LIMCH1: variants seen among roughly 807,000 people sequenced by gnomAD.
The protein encoded by LIMCH1 is LIM and calponin homology domains-containing protein 1.
In LIMCH1, 113 loss-of-function variants were observed where a neutral mutation model predicts 176.5. The observed-to-expected ratio is 0.64, with a 90% CI of 0.55 to 0.75. LIMCH1 has a LOEUF of 0.75. Ranked by LOEUF, LIMCH1 falls within the 30% of genes least tolerant of loss-of-function variation. LIMCH1 has a pLI of 0.00. For synonymous variants in LIMCH1, 619 were observed against 645.9 expected, an observed-to-expected ratio of 0.96 and a Z score of 0.63; for missense variants, 1,674 against 1,814.9, an observed-to-expected ratio of 0.92 and a Z score of 1.41.
At chr4:41,676,334 C>A in intron 22 of LIMCH1, 48 bp from the exon 23 acceptor site, 2 of 1,513,738 alleles carry the variant, frequency 1.3e-6, no homozygotes, top group Non-Finnish European at 1.8e-6. Context: ...CGGCCTGTCC[C>A]TTGAGGACAT....
chr4:41,637,381 G>A (rs1010597922), intron 13 of LIMCH1, among the ~76,000 whole-genome samples: 6 of 152,136 alleles, frequency 3.9e-5, no homozygotes, highest in African/African-American at 1.4e-4. Flanking sequence ...GTAGAGACAA[G>A]GCTTTGCCAT....
chr4:41,481,646 T>G (rs1253794320), intron 1 of LIMCH1, among the ~76,000 whole-genome samples: 1 of 151,776 alleles, frequency 6.6e-6, no homozygotes, highest in African/African-American at 2.4e-5. Flanking sequence ...TGTCATAGCG[T>G]AGAGACAGAG....
intron 1 of LIMCH1, among the ~76,000 whole-genome samples, chr4:41,362,491 A>G (rs575383481): frequency 3.9e-5 from 6 of 152,306 alleles, no homozygotes; most frequent in South Asian, 4.1e-4. Context: ...CTTGAACTCT[A>G]AAATTCTCAG....
At chr4:41,401,908 CT>C (rs1292006738) in intron 1 of LIMCH1, among the ~76,000 whole-genome samples, 2 of 152,170 alleles carry the variant, frequency 1.3e-5, no homozygotes, top group Admixed American at 6.5e-5. Context: ...GCTGAAGTTG[CT>C]TATGAGCTTA....
At chr4:41,682,513 G>T (rs767037533) in intron 26 of LIMCH1, 53 bp downstream of exon 26, 1 of 1,581,382 alleles carries the variant, frequency 6.3e-7, no homozygotes, top group Admixed American at 1.8e-5. Context: ...GGCTCTGCTC[G>T]TGCACGCTCA....
chr4:41,691,424 A>G (rs1725554567), intron 30 of LIMCH1, among the ~76,000 whole-genome samples: 1 of 151,978 alleles, frequency 6.6e-6, no homozygotes. Context: ...GTTGCTCTGA[A>G]TATCACTGCT....
At chr4:41,620,274 G>A (rs2092461047) in intron 6 of LIMCH1, 150 bp from the exon 7 acceptor site, 1 of 765,690 alleles carries the variant, frequency 1.3e-6, no homozygotes, top group African/African-American at 1.8e-5. Context: ...TGGCTGCGTT[G>A]AATTTTCTTC....
chr4:41,567,486 T>A (rs368660559), intron 1 of LIMCH1, among the ~76,000 whole-genome samples: 1 of 152,174 alleles, frequency 6.6e-6, no homozygotes, highest in African/African-American at 2.4e-5. Flanking sequence ...GTAGCAGCAA[T>A]AGTAGTAATA....
At position 41,509,474 on chromosome 4, in the gene LIMCH1, A is replaced by G. The variant is rs532322063; in HGVS notation, c.167+14868A>G. On this transcript the variant is annotated intron_variant, in intron 2 of 26. Coordinates refer to the LIMCH1 transcript ENST00000313860. The stretch of plus-strand genomic sequence containing the variant: ...CTGGGAAGAATTTGATAGACTTTCT[A>G]TGTAGGGTTCTCCCTTGTCCTTCTG... 4.6e-5 allele frequency among the ~76,000 whole-genome samples: 7 copies of G among 152,278 alleles called. No individual in the cohort carries two copies. In the South Asian group the frequency reaches 1.5e-3, roughly 32 times the overall value.
In LIMCH1 at chr4:41,586,586, G is replaced by C. The variant is rs530162548; in HGVS notation, c.-240-12334G>C. Among the ~76,000 whole-genome samples, 3 of 152,198 alleles carry C rather than the reference G, an allele frequency of 2.0e-5. No homozygotes were observed. The South Asian group carries it at 6.2e-4, about 32-fold the overall frequency. ...GCAGTTTTATTCTAAAATAAGTGAA[G>C]GTATTTTTCATTCAATTCCCAAAAT... On this transcript the variant is annotated intron_variant, in intron 1 of 31. Transcript: ENST00000503057.
chr4:41,502,999 G>GTCCATCCATCCATCCATCCATCCA (rs751124176), intron 2 of LIMCH1, among the ~76,000 whole-genome samples: 4 of 138,312 alleles, frequency 2.9e-5, no homozygotes, highest in Admixed American at 1.4e-4. Flanking sequence ...TGGTCTGTCT[G>GTCCATCCATCCATCCATCCATCCA]TCCATCCATC....
At chr4:41,576,136 T>G (rs2084425272) in intron 1 of LIMCH1, among the ~76,000 whole-genome samples, 1 of 152,226 alleles carries the variant, frequency 6.6e-6, no homozygotes, top group South Asian at 2.1e-4. Context: ...TGTTGATTTG[T>G]GCATATTTCT....
At chr4:41,611,674 A>G (rs945214464) in intron 4 of LIMCH1, among the ~76,000 whole-genome samples, 2 of 152,246 alleles carry the variant, frequency 1.3e-5, no homozygotes, top group African/African-American at 4.8e-5. Context: ...AATGCTAACC[A>G]TGTTTTAGGA....
chr4:41,443,192 CTTTTTTTTTTTTTTTTTTT>C (rs916559501), intron 1 of LIMCH1, among the ~76,000 whole-genome samples: 1 of 39,678 alleles, frequency 2.5e-5, no homozygotes, highest in East Asian at 6.7e-4. Flanking sequence ...TGTTTTTTTT[CTTTTTTTTTTTTTTTTTTT>C]TTTTTTTTTT....
rs141208106 is a variant in LIMCH1, at chr4:41,460,111, G to A, written c.97-34425G>A. ...TGGGCAGTAGGATATGGATCTTAGA[G>A]TCAACAGACAGAGGATCGGCACAGA... On this transcript the variant is annotated intron_variant, in intron 1 of 26. Transcript: ENST00000313860. Among the ~76,000 whole-genome samples the A allele has an allele frequency of 6.3e-3, 956 of 152,170 alleles. 6 individuals carry two copies. Among genetic ancestry groups the A allele is most frequent in the South Asian group, 0.016 (79 of 4,808 alleles).
intron 1 of LIMCH1, among the ~76,000 whole-genome samples, chr4:41,589,824 C>T (rs2087165865): frequency 6.6e-6 from 1 of 152,140 alleles, no homozygotes; most frequent in African/African-American, 2.4e-5. Context: ...GGCCTTGCTT[C>T]TCAACTCCAA....
At chr4:41,449,210 C>T (rs2063585672) in intron 1 of LIMCH1, among the ~76,000 whole-genome samples, 1 of 152,136 alleles carries the variant, frequency 6.6e-6, no homozygotes, top group African/African-American at 2.4e-5. Flanking sequence ...CCTTGCAGAA[C>T]TCCAGGCAGT....
rs1457749618 is a variant in LIMCH1 at position 41,646,600 on chromosome 4, G to A, written c.2527G>A (p.Glu843Lys). 1.4e-5 allele frequency: 23 copies of A among 1,614,142 alleles called. No homozygotes were observed. Among genetic ancestry groups the A allele is most frequent in the Non-Finnish European group, 1.8e-5 (21 of 1,180,034 alleles). Residue 843 changes from glutamate to lysine, a missense_variant, in exon 17 of 32, where the codon GAA (glutamate) becomes AAA (lysine). Around this residue, in one of 3 missense-constraint regions of LIMCH1, gnomAD observed 1,015 missense variants for 1,102.5 expected, o/e 0.92. Coordinates refer to ENST00000503057, the MANE Select transcript of LIMCH1 (RefSeq NM_001330672.2). Reference protein sequence around the residue: ...ERFTISEAVLERLEMPKILER... With the variant: ...ERFTISEAVLKRLEMPKILER... ...GTTCACCATCAGTGAGGCTGTTCTC[G>A]AACGCTTGGAGATGCCAAAAATTCT...
intron 1 of LIMCH1, among the ~76,000 whole-genome samples, chr4:41,580,403 A>G (rs1054659625): frequency 3.9e-5 from 6 of 152,232 alleles, no homozygotes; most frequent in African/African-American, 1.4e-4. Flanking sequence ...CCACTTGCAA[A>G]TTATGAAACA....
Sources: allele counts gnomAD v4.1 joint callset (sites outside exome capture counted in the v4.1 genomes callset), GRCh38; gene constraint gnomAD v4.1.1; regional missense constraint gnomAD v4.1.1; transcripts MANE v1.5; gene names NCBI Gene and HGNC (gene_info 2026-07-23, HGNC 2026-07-21).